PTPRN2: variants seen among roughly 807,000 people sequenced by gnomAD.
PTPRN2 encodes the protein receptor-type tyrosine-protein phosphatase N2.
Under a neutral mutation model 118.8 loss-of-function variants are expected in PTPRN2, and 74 were observed. The ratio of observed to expected loss-of-function variants is 0.62; its 90% confidence interval spans 0.52 to 0.76. The LOEUF (loss-of-function observed/expected upper bound fraction) is 0.76. Ranked by LOEUF, PTPRN2 falls within the 30% of genes least tolerant of loss-of-function variation. The pLI is 0.00. For missense variants in PTPRN2, 1,481 were observed against 1,394.4 expected (o/e 1.06, Z -0.99); for synonymous variants, 641 against 608.0 (o/e 1.05, Z -0.80).
At chr7:158,288,483 A>C (rs1310823272) in intron 3 of PTPRN2, among the ~76,000 whole-genome samples, 2 of 152,170 alleles carry the variant, frequency 1.3e-5, no homozygotes, top group African/African-American at 4.8e-5. Flanking sequence ...AGTTACCATG[A>C]GGCTTACATA....
At chr7:157,979,642 C>T (rs1563292849) in intron 11 of PTPRN2, among the ~76,000 whole-genome samples, 1 of 152,188 alleles carries the variant, frequency 6.6e-6, no homozygotes, top group Non-Finnish European at 1.5e-5. Context: ...GGCTCCAGAG[C>T]GACGCTGCCT....
chr7:157,699,205 T>C (rs1797951510), intron 12 of PTPRN2, among the ~76,000 whole-genome samples: 1 of 152,222 alleles, frequency 6.6e-6, no homozygotes. Context: ...TCACATATTC[T>C]TTAAGAAAAG....
chr7:158,075,184 C>T (rs1247060779), intron 11 of PTPRN2, among the ~76,000 whole-genome samples: 1 of 152,204 alleles, frequency 6.6e-6, no homozygotes, highest in Non-Finnish European at 1.5e-5. Context: ...CCTGCAAACA[C>T]TTGTCAAAAT....
rs73729612 is a variant in PTPRN2, at chr7:158,436,345, G to A, written c.163+53390C>T. 6.7e-3 allele frequency among the ~76,000 whole-genome samples: 1,019 copies of A among 152,266 alleles called. 19 individuals carry two copies. Among genetic ancestry groups the A allele is most frequent in the African/African-American group, 0.023 (958 of 41,542 alleles). ...TGATGGAGTCTCTCGAGTTCTGTCT[G>A]TCTTTTCGTAGGAGTCATCTGTTGA... On this transcript the variant is annotated intron_variant, in intron 2 of 22. Coordinates refer to ENST00000389418, the MANE Select transcript of PTPRN2 (RefSeq NM_002847.5).
chr7:158,174,860 A>T (rs150247757), intron 5 of PTPRN2, among the ~76,000 whole-genome samples: 10 of 152,126 alleles, frequency 6.6e-5, no homozygotes, highest in African/African-American at 2.4e-4. Context: ...AAACAGTGAC[A>T]CTGCTGAGGA....
At position 158,244,538 on chromosome 7, in the gene PTPRN2, G is replaced by A. The variant is rs957689362; in HGVS notation, c.278-39265C>T. Among the ~76,000 whole-genome samples, 3 of 95,590 alleles carry A rather than the reference G, an allele frequency of 3.1e-5. No homozygotes were observed. The East Asian group carries it at 1.0e-3, about 33-fold the overall frequency. 62.7% of individuals were successfully genotyped at this position (95,590 alleles called of 152,430 possible). ...GCTGTGTGTGAGGGTGTGTGTGAAT[G>A]AGCATGTTTTTTGTGTGTGTTTTGT... is the stretch of plus-strand genomic sequence containing the variant. On this transcript the variant is annotated intron_variant, in intron 3 of 22. Transcript: ENST00000389418.
chr7:157,562,042 G>A (rs1799219001), intron 21 of PTPRN2, among the ~76,000 whole-genome samples: 1 of 152,226 alleles, frequency 6.6e-6, no homozygotes, highest in Non-Finnish European at 1.5e-5. Context: ...ACCCTGGGGA[G>A]GGGAAGGGTG....
chr7:157,555,944 C>T (rs1289802548), intron 21 of PTPRN2, among the ~76,000 whole-genome samples: 2 of 152,224 alleles, frequency 1.3e-5, no homozygotes, highest in Admixed American at 6.5e-5. Flanking sequence ...TCTGCTTTGT[C>T]TGGAGCTCAC....
At chr7:157,992,589 A>C (rs1275288817) in intron 11 of PTPRN2, among the ~76,000 whole-genome samples, 1 of 152,256 alleles carries the variant, frequency 6.6e-6, no homozygotes, top group Admixed American at 6.5e-5. Flanking sequence ...AAAACACAAA[A>C]GCTGTAGAGG....
chr7:157,669,686 A>G, intron 13 of PTPRN2: 1 of 374,246 alleles, frequency 2.7e-6, no homozygotes, highest in South Asian at 2.0e-5. Flanking sequence ...AAAGATATAG[A>G]CATGTTTCAT....
At chr7:157,717,250 G>A (rs1191265503) in intron 12 of PTPRN2, among the ~76,000 whole-genome samples, 1 of 152,248 alleles carries the variant, frequency 6.6e-6, no homozygotes, top group Non-Finnish European at 1.5e-5. Flanking sequence ...ACTTATTCAC[G>A]GTCCTGAACT....
At position 157,676,866 on chromosome 7, in the gene PTPRN2, C is replaced by T. The variant is rs1445785633; in HGVS notation, c.2001+5859G>A. 1.3e-5 allele frequency among the ~76,000 whole-genome samples: 2 copies of T among 152,126 alleles called. No individual in the cohort carries two copies. The highest frequency in any genetic ancestry group is 4.8e-5 in the African/African-American group (2 of 41,424). On this transcript the variant is annotated intron_variant, in intron 13 of 22. Coordinates refer to ENST00000389418, the MANE Select transcript of PTPRN2 (RefSeq NM_002847.5). This position sits in a 1 kb window ranked among gnomAD's most constrained non-coding sequence, Gnocchi z 5.6. ...CATGCAGGGGTCACCCCAGGAGCGACCCTGGCTTTGACGAGAAGGAAGTGT... is the reference window on the plus strand; with the variant it reads ...CATGCAGGGGTCACCCCAGGAGCGATCCTGGCTTTGACGAGAAGGAAGTGT...
chr7:158,316,466 G>A (rs1056677311), intron 3 of PTPRN2, among the ~76,000 whole-genome samples: 3 of 152,116 alleles, frequency 2.0e-5, no homozygotes, highest in South Asian at 2.1e-4. Context: ...ACAGTGACAG[G>A]CAGAGGCTGA....
At position 157,845,673 on chromosome 7, in the gene PTPRN2, G is replaced by A. The variant is rs1168941384; in HGVS notation, c.1788+53000C>T. Among the ~76,000 whole-genome samples, 1 of 152,198 alleles carries A rather than the reference G, an allele frequency of 6.6e-6. No individual in the cohort carries two copies. The highest frequency in any genetic ancestry group is 6.5e-5 in the Admixed American group (1 of 15,270). ...TGTGCGGCACAGAACCTCCCCGCGG[G>A]GCAGGTGGGTGCACAGGAAAGAAAC... is the stretch of plus-strand genomic sequence containing the variant. On this transcript the variant is annotated intron_variant, in intron 12 of 22. Coordinates refer to ENST00000389418, the MANE Select transcript of PTPRN2 (RefSeq NM_002847.5). The surrounding 1 kb of genome is among the most constrained non-coding windows in gnomAD (Gnocchi z 4.5).
At chr7:157,811,351 T>C (rs1489448189) in intron 12 of PTPRN2, among the ~76,000 whole-genome samples, 1 of 147,460 alleles carries the variant, frequency 6.8e-6, no homozygotes, top group African/African-American at 2.5e-5. Context: ...TATATATATA[T>C]ATATATATGC....
chr7:158,398,762 T>C (rs1208938666), intron 2 of PTPRN2, among the ~76,000 whole-genome samples: 3 of 152,176 alleles, frequency 2.0e-5, no homozygotes, highest in Non-Finnish European at 2.9e-5. Context: ...TTTCTCAGCT[T>C]TCAGATTTAG....
chr7:158,506,102 G>A lies in PTPRN2; in HGVS notation c.113-16317C>T, dbSNP rs529458812. 4.3e-4 allele frequency among the ~76,000 whole-genome samples: 62 copies of A among 145,448 alleles called. 1 individual carries two copies. In the East Asian group the frequency reaches 9.0e-3, roughly 21 times the overall value. ...GCTCTGGTACAGGGCACACAAGGCC[G>A]GTGCTGAGACACTGTGCAGCTGGGA... On this transcript the variant is annotated intron_variant, in intron 1 of 22. Transcript: ENST00000389418.
intron 14 of PTPRN2, among the ~76,000 whole-genome samples, chr7:157,651,829 C>A (rs1805684518): frequency 6.6e-6 from 1 of 152,250 alleles, no homozygotes; most frequent in Non-Finnish European, 1.5e-5. Context: ...TCTGAGTGAG[C>A]ATCTCCGTGT....
intron 2 of PTPRN2, among the ~76,000 whole-genome samples, chr7:158,385,986 A>T (rs1254931181): frequency 1.7e-5 from 2 of 117,392 alleles, no homozygotes; most frequent in Non-Finnish European, 3.5e-5. Flanking sequence ...CCCTCCTCCC[A>T]TGCCCTGAGT....
Sources: gnomAD v4.1 joint callset for allele counts (sites outside exome capture counted in the v4.1 genomes callset) on GRCh38, gnomAD v4.1.1 for gene constraint, Gnocchi (gnomAD v3.1) non-coding constraint, MANE v1.5 for transcripts, NCBI Gene and HGNC (gene_info 2026-07-23, HGNC 2026-07-21) for gene names.